The following DNAH9 variants were observed in gnomAD, a reference collection of about 807,000 sequenced individuals.
The protein encoded by DNAH9 is dynein axonemal heavy chain 9, also known as DNAH9 variant protein.
Under a neutral mutation model 471.6 loss-of-function variants are expected in DNAH9, and 345 were observed. That is an observed-to-expected ratio of 0.73 (90% CI 0.67 to 0.80). DNAH9 has a LOEUF of 0.80. Ranked by LOEUF, DNAH9 falls within the 30% of genes least tolerant of loss-of-function variation. DNAH9 has a pLI of 0.00. For missense variants in DNAH9, 5,407 were observed against 5,609.2 expected, an observed-to-expected ratio of 0.96 and a Z score of 1.15; for synonymous variants, 2,093 against 2,123.6, an observed-to-expected ratio of 0.99 and a Z score of 0.40.
At chr17:11,765,517 G>A (rs1421513165) in intron 36 of DNAH9, among the ~76,000 whole-genome samples, 2 of 152,220 alleles carry the variant, frequency 1.3e-5, no homozygotes, top group Admixed American at 1.3e-4. Flanking sequence ...TCCCTGATGT[G>A]TTCTTTGGTG....
At chr17:11,726,149 T>G (rs2150811679) in intron 27 of DNAH9, among the ~76,000 whole-genome samples, 1 of 152,284 alleles carries the variant, frequency 6.6e-6, no homozygotes, top group East Asian at 1.9e-4. Flanking sequence ...TTCCATTCTA[T>G]CTATACAGAT....
intron 59 of DNAH9, among the ~76,000 whole-genome samples, chr17:11,896,059 G>A (rs1363964922): frequency 6.6e-6 from 1 of 152,070 alleles, no homozygotes; most frequent in Non-Finnish European, 1.5e-5. Context: ...TCTGCAAAGG[G>A]CCACTTAGTA....
At position 11,763,188 on chromosome 17, in the gene DNAH9, G is replaced by A. The variant is rs557389742; in HGVS notation, c.6996-252G>A. Among the ~76,000 whole-genome samples the A allele has an allele frequency of 3.2e-4, 49 of 152,234 alleles. No homozygotes were observed. The South Asian group carries it at 9.5e-3, about 30-fold the overall frequency. ...AGAAGAGGGAAGAAGAAGTGGGAGGGGGAGGGTGTCAGAGGAAAGGAGATG... is the reference window on the plus strand; with the variant it reads ...AGAAGAGGGAAGAAGAAGTGGGAGGAGGAGGGTGTCAGAGGAAAGGAGATG... On this transcript the variant is annotated intron_variant, in intron 35 of 68. Coordinates refer to ENST00000262442, the MANE Select transcript of DNAH9 (RefSeq NM_001372.4).
rs757121096 is a variant in DNAH9, at chr17:11,757,625, G to C, written c.6928G>C (p.Glu2310Gln). Residue 2310 changes from glutamate to glutamine, a missense_variant, in exon 35 of 69, where the codon GAG (glutamate) becomes CAG (glutamine). Physicochemically the swap from Glu to Gln is conservative, Grantham distance 29. Coordinates refer to ENST00000262442, the MANE Select transcript of DNAH9 (RefSeq NM_001372.4). ...GATTGAGAAGAGGGAAATCCAGACA[G>C]AGAGAGCCAACTTAACCATTTTGTT... ...SWIEKREIQT[E>Q]RANLTILFDK... is the part of the protein sequence containing the mutation. 6.2e-7 allele frequency: 1 copy of C among 1,614,188 alleles called. No individual in the cohort carries two copies. The highest frequency in any genetic ancestry group is 8.5e-7 in the Non-Finnish European group (1 of 1,180,006).
intron 67 of DNAH9, among the ~76,000 whole-genome samples, chr17:11,959,798 T>C (rs1338103076): frequency 6.6e-6 from 1 of 152,194 alleles, no homozygotes; most frequent in African/African-American, 2.4e-5. Flanking sequence ...AACATCTGGA[T>C]AAATACGTGG....
Position 11,817,015 on chromosome 17 carries a change from C to T in DNAH9, c.8708-4905C>T, listed in dbSNP as rs549084292. Among the ~76,000 whole-genome samples the T allele has an allele frequency of 1.3e-4, 20 of 151,834 alleles. No homozygotes were observed. In the South Asian group the frequency reaches 2.5e-3, roughly 19 times the overall value. On this transcript the variant is annotated intron_variant, in intron 45 of 68. Coordinates refer to ENST00000262442, the MANE Select transcript of DNAH9 (RefSeq NM_001372.4). ...CAGAGCTTGCAGTGAGCCGAGATCGCGCCACTGCATTCCAGCCTGGGTGGC... is the reference window on the plus strand; with the variant it reads ...CAGAGCTTGCAGTGAGCCGAGATCGTGCCACTGCATTCCAGCCTGGGTGGC...
chr17:11,962,201 G>C lies in DNAH9; in HGVS notation c.13178G>C (p.Arg4393Pro), dbSNP rs547406325. ...AGAGAAGAGTTTAGGAGTCCTCCTCGGGAAGGGGCCTACATCCATGGCCTC... is the reference window on the plus strand; with the variant it reads ...AGAGAAGAGTTTAGGAGTCCTCCTCCGGAAGGGGCCTACATCCATGGCCTC... Reference protein sequence around the residue: ...KNREEFRSPPREGAYIHGLFM... With the variant: ...KNREEFRSPPPEGAYIHGLFM... Residue 4393 changes from arginine to proline, a missense_variant, in exon 68 of 69, where the codon CGG becomes CCG. This residue lies in a region of DNAH9 where 4,636 missense variants were observed against 4,900.3 expected (regional missense o/e 0.95). Coordinates refer to ENST00000262442, the MANE Select transcript of DNAH9 (RefSeq NM_001372.4). This position sits in a 1 kb window ranked among gnomAD's most constrained non-coding sequence, Gnocchi z 4.1. 1 of 1,613,770 alleles carries C rather than the reference G, an allele frequency of 6.2e-7. No individual in the cohort carries two copies. The highest frequency in any genetic ancestry group is 8.5e-7 in the Non-Finnish European group (1 of 1,179,960).
rs1417923502 is a variant in DNAH9 at position 11,738,975 on chromosome 17, C to T, written c.5910C>T (p.Ile1970=). The T allele has an allele frequency of 6.2e-7, 1 of 1,614,112 alleles. No homozygotes were observed. The highest frequency in any genetic ancestry group is 1.7e-5 in the Admixed American group (1 of 60,022). ...ISLNPSVGIF[I]TMNPGYAGRT... ...TGAATCCTTCTGTCGGTATCTTCATCACCATGAACCCAGGCTATGCTGGCC... is the reference window on the plus strand; with the variant it reads ...TGAATCCTTCTGTCGGTATCTTCATTACCATGAACCCAGGCTATGCTGGCC... The change falls in exon 29 of 69, where the codon ATC becomes ATT. Residue 1970 remains isoleucine, a synonymous_variant. Coordinates refer to ENST00000262442, the MANE Select transcript of DNAH9 (RefSeq NM_001372.4).
At chr17:11,741,937 C>T (rs11651010) in intron 29 of DNAH9, among the ~76,000 whole-genome samples, 24,165 of 152,196 alleles carry the variant, frequency 0.16, 2,202 homozygotes, top group Non-Finnish European at 0.2. Context: ...AAGAAGGCGA[C>T]TTCATTTCCT....
intron 35 of DNAH9, among the ~76,000 whole-genome samples, chr17:11,760,876 T>G (rs2150865043): frequency 1.3e-5 from 2 of 152,302 alleles, no homozygotes; most frequent in South Asian, 4.2e-4. Flanking sequence ...TCCGCGATGC[T>G]CCCCTGGCAT....
intron 61 of DNAH9, among the ~76,000 whole-genome samples, chr17:11,923,229 C>T (rs1486117342): frequency 6.6e-6 from 1 of 151,984 alleles, no homozygotes; most frequent in Non-Finnish European, 1.5e-5. Flanking sequence ...GCACCTCCCA[C>T]CACACCCAGC....
chr17:11,692,169 G>A (rs2074344344), intron 20 of DNAH9, among the ~76,000 whole-genome samples: 1 of 151,956 alleles, frequency 6.6e-6, no homozygotes, highest in Admixed American at 6.6e-5. Context: ...GCAGGCCTGG[G>A]CTTGAGTCCT....
At chr17:11,676,368 C>T (rs1453506150) in intron 17 of DNAH9, among the ~76,000 whole-genome samples, 1 of 150,370 alleles carries the variant, frequency 6.7e-6, no homozygotes, top group East Asian at 2.0e-4. Flanking sequence ...CTGCAACCTC[C>T]ACCTCCCGGG....
intron 65 of DNAH9, among the ~76,000 whole-genome samples, chr17:11,934,534 C>G (rs993706170): frequency 1.4e-4 from 21 of 148,900 alleles, no homozygotes; most frequent in Admixed American, 3.4e-4. Context: ...CAAGCTCCGC[C>G]TCCCGGGTTC....
rs1361953937 is a variant in DNAH9, at chr17:11,669,243, G to C, written c.2911G>C (p.Gly971Arg). 1 of 1,613,630 alleles carries C rather than the reference G, an allele frequency of 6.2e-7. No individual in the cohort carries two copies. The highest frequency in any genetic ancestry group is 8.5e-7 in the Non-Finnish European group (1 of 1,179,772). Reference sequence around the variant, plus strand: ...GGTGCCACGGCTTTCCCCACAAAATGGCTCTCCTCACTATCAGGTACTGGA... The same window carrying C: ...GGTGCCACGGCTTTCCCCACAAAATCGCTCTCCTCACTATCAGGTACTGGA... ...SLVPRLSPQNGSPHYQVDLDG... is the reference protein window; with the variant it reads ...SLVPRLSPQNRSPHYQVDLDG... Residue 971 changes from glycine (G) to arginine (R), a missense_variant, in exon 16 of 69, where the codon GGC becomes CGC. Transcript: ENST00000262442.
chr17:11,867,425 T>A (rs1334297041), intron 50 of DNAH9, among the ~76,000 whole-genome samples: 1 of 151,962 alleles, frequency 6.6e-6, no homozygotes, highest in East Asian at 1.9e-4. Context: ...CTTGATTTTG[T>A]TATATTTTAT....
chr17:11,880,214 G>A lies in DNAH9; in HGVS notation c.10601+14G>A, dbSNP rs756491814. 2.4e-5 allele frequency: 39 copies of A among 1,612,194 alleles called. No individual in the cohort carries two copies. Among genetic ancestry groups the A allele is most frequent in the Non-Finnish European group, 3.1e-5 (37 of 1,179,274 alleles). On this transcript the variant is annotated intron_variant, in intron 54 of 68. Transcript: ENST00000262442. The stretch of plus-strand genomic sequence containing the variant: ...TAAAAAAGGACGGTAAGACTCAGCT[G>A]TGTTGCTGACCCTTCGGGGGGAGCT...
chr17:11,845,728 G>A (rs940187739), intron 49 of DNAH9, among the ~76,000 whole-genome samples: 1 of 139,808 alleles, frequency 7.2e-6, no homozygotes, highest in Non-Finnish European at 1.5e-5. Context: ...TCTCATTGTG[G>A]TTTTGATTTT....
chr17:11,637,468 C>G (rs116922602), intron 9 of DNAH9, among the ~76,000 whole-genome samples: 1 of 152,056 alleles, frequency 6.6e-6, no homozygotes, highest in African/African-American at 2.4e-5. Context: ...AGCGATGGTG[C>G]GAACCCCTAG....
Sources: allele counts gnomAD v4.1 joint callset (sites outside exome capture counted in the v4.1 genomes callset), GRCh38; gene constraint gnomAD v4.1.1; regional missense constraint gnomAD v4.1.1; non-coding constraint Gnocchi (gnomAD v3.1); transcripts MANE v1.5; gene names NCBI Gene and HGNC (gene_info 2026-07-23, HGNC 2026-07-21).